SSC5D: variants seen among roughly 807,000 people sequenced by gnomAD.
SSC5D encodes scavenger receptor cysteine rich family member with 5 domains.
Under a neutral mutation model 104.6 loss-of-function variants are expected in SSC5D, and 106 were observed. The observed-to-expected ratio is 1.01, with a 90% CI of 0.87 to 1.19. The LOEUF is 1.19. Among genes scored for constraint, SSC5D ranks in the 50% most tolerant of loss-of-function variants. The pLI is 0.00. For missense variants in SSC5D, 1,993 were observed against 2,153.8 expected (o/e 0.93, Z 1.48); for synonymous variants, 860 against 883.5 (o/e 0.97, Z 0.47).
intron 13 of SSC5D, among the ~76,000 whole-genome samples, chr19:55,513,424 A>G (rs972981300): frequency 6.6e-6 from 1 of 152,130 alleles, no homozygotes; most frequent in Non-Finnish European, 1.5e-5. Flanking sequence ...CCCCCAAGAT[A>G]TGAACATTAG....
intron 12 of SSC5D, chr19:55,504,259 T>G: frequency 6.6e-7 from 1 of 1,515,254 alleles, no homozygotes. Context: ...GGGTCCGGCC[T>G]CGGGACCCCT....
At chr19:55,494,295 C>T (rs2123434305) in intron 7 of SSC5D, among the ~76,000 whole-genome samples, 1 of 152,284 alleles carries the variant, frequency 6.6e-6, no homozygotes, top group East Asian at 1.9e-4. Flanking sequence ...AGCCCCGTGG[C>T]AGCCCTGGCT....
rs535520645 is a variant in SSC5D, at chr19:55,491,337, G to A, written c.895+257G>A. On this transcript the variant is annotated intron_variant, in intron 6 of 13. Transcript: ENST00000389623. ...TGTCCCGGGGCCTAGGCCAGTGACC[G>A]TTTGTTTAAGCCTCAGTTTTCCTGA... is the stretch of plus-strand genomic sequence containing the variant. The A allele has an allele frequency of 3.3e-4, 160 of 488,622 alleles. 1 individual carries two copies. The highest frequency in any genetic ancestry group is 3.1e-3 in the African/African-American group (154 of 49,248). 30.3% of individuals were successfully genotyped at this position (488,622 alleles called of 1,614,324 possible).
rs1987449760 is a variant in SSC5D at position 55,500,295 on chromosome 19, A to C, written c.2185A>C (p.Thr729Pro). 1 of 1,551,104 alleles carries C rather than the reference A, an allele frequency of 6.4e-7. No individual in the cohort carries two copies. The highest frequency in any genetic ancestry group is 2.0e-5 in the Admixed American group (1 of 50,896). ...CCCCCAAGAAATGACCTCTGAGTCC[A>C]CTATCAAGAGTATCCCTCAGGCCTC... ...QGPQEMTSES[T>P]IKSIPQASLE... is the part of the protein sequence containing the mutation. The change falls in exon 10 of 14, where the codon ACT (threonine) becomes CCT (proline). Residue 729 changes from threonine (T) to proline (P), a missense_variant. Physicochemically the swap from Thr to Pro is conservative, Grantham distance 38. Around this residue, in one of 6 missense-constraint regions of SSC5D, gnomAD observed 1,101 missense variants for 1,085.0 expected, o/e 1.01. Transcript: ENST00000389623. This position sits in a 1 kb window ranked among gnomAD's most constrained non-coding sequence, Gnocchi z 4.6.
chr19:55,510,008 GT>G (rs887997642), intron 12 of SSC5D, among the ~76,000 whole-genome samples: 1 of 149,400 alleles, frequency 6.7e-6, no homozygotes, highest in Admixed American at 6.7e-5. Context: ...TTTTTTTTTT[GT>G]TTTTTTGTGA....
Position 55,512,774 on chromosome 19 carries a change from C to T in SSC5D, c.2786-237C>T, listed in dbSNP as rs116320434. ...CTGGGATTACAAGCTTGAGCCACGG[C>T]GCCAGGCCCAAATGCCCTTCATTTT... is the stretch of plus-strand genomic sequence containing the variant. On this transcript the variant is annotated intron_variant, in intron 12 of 13. Coordinates refer to ENST00000389623, the MANE Select transcript of SSC5D (RefSeq NM_001144950.2). Among the ~76,000 whole-genome samples, 1,433 of 152,270 alleles carry T rather than the reference C, an allele frequency of 9.4e-3. 25 individuals are homozygous for T. Among genetic ancestry groups the T allele is most frequent in the African/African-American group, 0.033 (1,360 of 41,536 alleles).
At chr19:55,493,027 C>G (rs1987194877) in intron 6 of SSC5D, among the ~76,000 whole-genome samples, 1 of 151,910 alleles carries the variant, frequency 6.6e-6, no homozygotes, top group Admixed American at 6.6e-5. Context: ...GAGATCCCCT[C>G]CCCCCAAAAA....
Position 55,489,574 on chromosome 19 carries a change from C to A in SSC5D, c.273C>A (p.Gly91=). ...PVWLSELACR[G]NEGQLGLCHH... ...GGCTCAGCGAGCTGGCTTGCCGGGG[C>A]AACGAGGGGCAGCTGGGCCTCTGCC... The change falls in exon 3 of 14, where the codon GGC becomes GGA. Residue 91 remains glycine, a synonymous_variant. Coordinates refer to ENST00000389623, the MANE Select transcript of SSC5D (RefSeq NM_001144950.2). 6.6e-7 allele frequency: 1 copy of A among 1,513,916 alleles called. No homozygotes were observed. Among genetic ancestry groups the A allele is most frequent in the Non-Finnish European group, 8.8e-7 (1 of 1,136,114 alleles). 93.8% of individuals were successfully genotyped at this position (1,513,916 alleles called of 1,614,324 possible).
intron 13 of SSC5D, among the ~76,000 whole-genome samples, chr19:55,516,393 A>C (rs996985090): frequency 1.5e-3 from 231 of 151,968 alleles, no homozygotes; most frequent in African/African-American, 5.3e-3. Flanking sequence ...GCTACTCGGG[A>C]GGCTGAGGCA....
chr19:55,494,838 C>G, intron 8 of SSC5D, 55 bp downstream of exon 8: 2 of 1,481,554 alleles, frequency 1.3e-6, no homozygotes, highest in African/African-American at 2.8e-5. Context: ...GTTTCCTTCC[C>G]TCAGCTCTGA....
rs997953115 is a variant in SSC5D, at chr19:55,512,998, C to G, written c.2786-13C>G. The G allele has an allele frequency of 3.2e-6, 5 of 1,551,866 alleles. No individual in the cohort carries two copies. Among genetic ancestry groups the G allele is most frequent in the Non-Finnish European group, 4.4e-6 (5 of 1,147,016 alleles). On this transcript the variant is annotated splice_polypyrimidine_tract_variant and intron_variant, in intron 12 of 13. Transcript: ENST00000389623. ...AGTTGGAAGACTCAATCCTCTTCCC[C>G]ATATCTCTCTAGGCAGCAAAGATGG...
In SSC5D at chr19:55,518,954, A is replaced by G. The variant is rs1389294361; in HGVS notation, c.4678A>G (p.Thr1560Ala). The stretch of plus-strand genomic sequence containing the variant: ...CACCAGCATGCCTGCACCAACCACC[A>G]CTACCCCAGAGGAAGAAGAAAGACC... ...WTTSMPAPTT[T>A]TPEEEERPLR... The change falls in exon 14 of 14, where the codon ACT becomes GCT. Residue 1560 changes from threonine to alanine, a missense_variant. By Grantham distance (58) the Thr-to-Ala change is moderately conservative. This residue lies in a region of SSC5D where 349 missense variants were observed against 397.6 expected (regional missense o/e 0.88). Coordinates refer to ENST00000389623, the MANE Select transcript of SSC5D (RefSeq NM_001144950.2). 6.4e-7 allele frequency: 1 copy of G among 1,550,410 alleles called. No individual in the cohort carries two copies. Among genetic ancestry groups the G allele is most frequent in the South Asian group, 1.2e-5 (1 of 84,062 alleles).
rs542803246 is a variant in SSC5D, at chr19:55,488,484, G to C, written c.-106G>C. ...TGCCTGCTCCTCCTCGGGCCTGGGC[G>C]CCTCCAGCAGGCACTTCCCTCCCTC... On this transcript the variant is annotated 5_prime_UTR_variant, in exon 1 of 14. Transcript: ENST00000389623. 1 of 1,035,340 alleles carries C rather than the reference G, an allele frequency of 9.7e-7. No individual in the cohort carries two copies. Among genetic ancestry groups the C allele is most frequent in the African/African-American group, 1.6e-5 (1 of 61,912 alleles). The allele number at this position is 1,035,340 out of a possible 1,614,324, so 64.1% of individuals were successfully genotyped here.
chr19:55,495,901 ATTTTTTTTTTT>A (rs36109915), intron 8 of SSC5D, among the ~76,000 whole-genome samples: 6 of 98,710 alleles, frequency 6.1e-5, no homozygotes, highest in African/African-American at 2.5e-4. Flanking sequence ...GAGCCTGGCT[ATTTTTTTTTTT>A]TTTTTTTTTT....
chr19:55,497,460 T>A (rs1002473538), intron 8 of SSC5D, among the ~76,000 whole-genome samples: 3 of 152,226 alleles, frequency 2.0e-5, no homozygotes, highest in Non-Finnish European at 4.4e-5. Context: ...TTAACCAGTT[T>A]AAGTATACAA....
At position 55,504,226 on chromosome 19, in the gene SSC5D, G is replaced by A. The variant is rs529218222; in HGVS notation, c.2785+3025G>A. On this transcript the variant is annotated intron_variant, in intron 12 of 13. Coordinates refer to ENST00000389623, the MANE Select transcript of SSC5D (RefSeq NM_001144950.2). ...TCGTGGTGGAGGCGGGCACGTGCCG[G>A]GCACAGCGGCTGCGGAGACAGCGGG... is the stretch of plus-strand genomic sequence containing the variant. 351 of 1,530,854 alleles carry A rather than the reference G, an allele frequency of 2.3e-4. 1 individual carries two copies. The highest frequency in any genetic ancestry group is 4.2e-5 in the Non-Finnish European group (48 of 1,143,806). 94.8% of individuals were successfully genotyped at this position (1,530,854 alleles called of 1,614,324 possible). A position where few individuals can be genotyped will look rare whatever the true frequency, so the allele number is the denominator to read the frequency against.
intron 13 of SSC5D, 92 bp downstream of exon 13, chr19:55,513,264 C>G (rs999039001): frequency 1.9e-5 from 24 of 1,266,618 alleles, no homozygotes; most frequent in Non-Finnish European, 2.2e-5. Flanking sequence ...ACCCTTACCC[C>G]AGAAAGACTC....
intron 7 of SSC5D, 65 bp downstream of exon 7, chr19:55,493,977 T>C (rs1987235353): frequency 1.3e-4 from 3 of 23,764 alleles, no homozygotes; most frequent in Non-Finnish European, 2.7e-4. Flanking sequence ...AGGGGCAAGT[T>C]CGGCGGGGGC....
Position 55,489,573 on chromosome 19 carries a change from G to T in SSC5D, c.272G>T (p.Gly91Val). Residue 91 changes from glycine to valine, a missense_variant, in exon 3 of 14, where the codon GGC becomes GTC. Gly to Val is a moderately radical substitution (Grantham distance 109, BLOSUM62 -3). Coordinates refer to ENST00000389623, the MANE Select transcript of SSC5D (RefSeq NM_001144950.2). ...PVWLSELACRGNEGQLGLCHH... is the reference protein window; with the variant it reads ...PVWLSELACRVNEGQLGLCHH... ...TGGCTCAGCGAGCTGGCTTGCCGGG[G>T]CAACGAGGGGCAGCTGGGCCTCTGC... The T allele has an allele frequency of 6.6e-7, 1 of 1,513,524 alleles. No homozygotes were observed. Among genetic ancestry groups the T allele is most frequent in the South Asian group, 1.2e-5 (1 of 80,970 alleles). The allele number at this position is 1,513,524 out of a possible 1,614,324, so 93.8% of individuals were successfully genotyped here. A position where few individuals can be genotyped will look rare whatever the true frequency, so the allele number is the denominator to read the frequency against.
Sources: allele counts gnomAD v4.1 joint callset (sites outside exome capture counted in the v4.1 genomes callset), GRCh38; gene constraint gnomAD v4.1.1; regional missense constraint gnomAD v4.1.1; non-coding constraint Gnocchi (gnomAD v3.1); transcripts MANE v1.5; gene names NCBI Gene and HGNC (gene_info 2026-07-23, HGNC 2026-07-21).